AR: variants seen among roughly 807,000 people sequenced by gnomAD.
AR encodes the protein androgen receptor, also known as dihydrotestosterone receptor.
A neutral mutation model predicts 53.9 loss-of-function variants in AR; 8 were observed. The observed-to-expected ratio is 0.15, with a 90% CI of 0.09 to 0.27. The LOEUF is 0.27. AR is among the 10% of genes least tolerant of loss of function. AR has a pLI of 1.00. For synonymous variants in AR, 359 were observed against 316.4 expected (o/e 1.13, Z -1.43); for missense variants, 639 against 742.5 (o/e 0.86, Z 1.62).
At chrX:67,687,912 T>C (rs1316410207) in intron 3 of AR, among the ~76,000 whole-genome samples, 1 of 112,365 alleles carries the variant, frequency 8.9e-6, no homozygotes, top group Non-Finnish European at 1.9e-5. Flanking sequence ...TTAAGCAGCC[T>C]GTGATGTGAT....
chrX:67,682,845 T>A lies in AR; in HGVS notation c.1769-3165T>A, dbSNP rs1051473874. Among the ~76,000 whole-genome samples the A allele has an allele frequency of 3.6e-5, 4 of 111,964 alleles. No homozygotes were observed. In the South Asian group the frequency reaches 1.5e-3, roughly 42 times the overall value. ...CTATCTTTGTCCTTAAACCAAATTG[T>A]ACAGATAAATAAGGTCTTATTTTTA... On this transcript the variant is annotated intron_variant, in intron 2 of 7. Transcript: ENST00000374690.
At chrX:67,674,357 T>C (rs752829208) in intron 2 of AR, among the ~76,000 whole-genome samples, 14 of 109,589 alleles carry the variant, frequency 1.3e-4, no homozygotes, top group East Asian at 1.2e-3. Flanking sequence ...TGTCTGTGTT[T>C]GCTCAAAGCC....
chrX:67,704,254 T>A (rs1162085529), intron 3 of AR, among the ~76,000 whole-genome samples: 7 of 108,757 alleles, frequency 6.4e-5, no homozygotes, highest in East Asian at 2.9e-4. Flanking sequence ...TAGTTTACAG[T>A]CCCACCAACA....
At chrX:67,626,550 C>T (rs1924653215) in intron 1 of AR, among the ~76,000 whole-genome samples, 1 of 95,925 alleles carries the variant, frequency 1.0e-5, no homozygotes, top group African/African-American at 3.8e-5. Context: ...ATGCCATTCT[C>T]CTGCCTCAGC....
intron 1 of AR, among the ~76,000 whole-genome samples, chrX:67,607,801 T>C (rs1023816231): frequency 8.9e-6 from 1 of 111,857 alleles, no homozygotes; most frequent in Non-Finnish European, 1.9e-5. Flanking sequence ...CAAGCTGGAG[T>C]TCCACATGTA....
intron 2 of AR, among the ~76,000 whole-genome samples, chrX:67,664,696 T>C (rs1415588080): frequency 8.9e-6 from 1 of 112,513 alleles, no homozygotes; most frequent in African/African-American, 3.2e-5. Flanking sequence ...TTTGTTCGGC[T>C]ATGCCCTGCC....
At chrX:67,706,151 C>G (rs2076066242) in intron 3 of AR, among the ~76,000 whole-genome samples, 1 of 111,722 alleles carries the variant, frequency 9.0e-6, no homozygotes, top group Non-Finnish European at 1.9e-5. Flanking sequence ...CAGGATGATG[C>G]TGGCCTCATA....
chrX:67,671,250 C>T (rs1286057292), intron 2 of AR, among the ~76,000 whole-genome samples: 1 of 111,845 alleles, frequency 8.9e-6, no homozygotes, highest in African/African-American at 3.2e-5. Flanking sequence ...TTCTTCAAAT[C>T]CTCACCAGCA....
At chrX:67,578,039 A>AAT (rs1922136181) in intron 1 of AR, among the ~76,000 whole-genome samples, 1 of 111,536 alleles carries the variant, frequency 9.0e-6, no homozygotes, top group Non-Finnish European at 1.9e-5. Context: ...CAAGAACAGA[A>AAT]ATTTGTCAGA....
intron 3 of AR, chrX:67,696,023 T>G (rs1379466987): frequency 4.0e-6 from 3 of 751,074 alleles, no homozygotes; most frequent in African/African-American, 2.3e-5. Context: ...TTTGTTTGAA[T>G]GTTGCATATT....
At chrX:67,663,625 G>C (rs1424686520) in intron 2 of AR, among the ~76,000 whole-genome samples, 1 of 111,602 alleles carries the variant, frequency 9.0e-6, no homozygotes, top group Non-Finnish European at 1.9e-5. Context: ...TTCTCAAGGA[G>C]TATCTTTGTG....
chrX:67,720,718 A>G (rs1013968264), intron 5 of AR, among the ~76,000 whole-genome samples: 4 of 111,154 alleles, frequency 3.6e-5, no homozygotes, highest in Non-Finnish European at 5.7e-5. Context: ...CACCCAGACA[A>G]TACCAGGCCT....
At chrX:67,626,891 T>G (rs1472432579) in intron 1 of AR, among the ~76,000 whole-genome samples, 1 of 101,147 alleles carries the variant, frequency 9.9e-6, no homozygotes, top group East Asian at 3.1e-4. Context: ...TTTGGTTTTT[T>G]GTTCTTGCGA....
chrX:67,556,841 GCGCAAAGGGCC>G (rs1355588152), intron 1 of AR, among the ~76,000 whole-genome samples: 1 of 108,555 alleles, frequency 9.2e-6, no homozygotes, highest in African/African-American at 3.6e-5. Flanking sequence ...GGAACCACAG[GCGCAAAGGGCC>G]TGAGGCAGGA....
intron 2 of AR, among the ~76,000 whole-genome samples, chrX:67,651,927 C>G (rs1168311537): frequency 9.0e-6 from 1 of 111,599 alleles, no homozygotes; most frequent in Non-Finnish European, 1.9e-5. Flanking sequence ...ACAGGAAGCA[C>G]AACTTAACAC....
chrX:67,682,456 T>G (rs1359042771), intron 2 of AR, among the ~76,000 whole-genome samples: 1 of 109,287 alleles, frequency 9.2e-6, no homozygotes, highest in Admixed American at 9.8e-5. Flanking sequence ...AGCTAATTTT[T>G]TTTTTTCATT....
chrX:67,658,452 T>C (rs1235371342), intron 2 of AR, among the ~76,000 whole-genome samples: 1 of 112,184 alleles, frequency 8.9e-6, no homozygotes, highest in Non-Finnish European at 1.9e-5. Context: ...ATCACTTTAT[T>C]TTATTTTATT....
intron 1 of AR, among the ~76,000 whole-genome samples, chrX:67,576,807 C>G (rs1430781322): frequency 5.4e-5 from 6 of 110,536 alleles, no homozygotes; most frequent in African/African-American, 2.0e-4. Context: ...ATGTGGTTAT[C>G]TCCTCCTTGT....
At chrX:67,631,244 T>C (rs937633054) in intron 1 of AR, among the ~76,000 whole-genome samples, 1 of 111,777 alleles carries the variant, frequency 8.9e-6, no homozygotes, top group South Asian at 3.8e-4. Context: ...TTTTCCAACT[T>C]GGTTCCATTC....
Sources: gnomAD v4.1 joint callset for allele counts (sites outside exome capture counted in the v4.1 genomes callset) on GRCh38, gnomAD v4.1.1 for gene constraint, MANE v1.5 for transcripts, NCBI Gene and HGNC (gene_info 2026-07-23, HGNC 2026-07-21) for gene names.